Variants in RBM33 observed in about 807,000 individuals in gnomAD.
RBM33 encodes the protein RNA binding motif protein 33.
RBM33 carries 28 observed loss-of-function variants against 132.6 expected under a neutral mutation model. The observed-to-expected ratio is 0.21, with a 90% CI of 0.16 to 0.29. The LOEUF (loss-of-function observed/expected upper bound fraction) is 0.29, where lower values mean the gene tolerates loss of function less well. Ranked by LOEUF, RBM33 falls within the 10% of genes least tolerant of loss-of-function variation. The pLI, the probability that RBM33 is intolerant of heterozygous loss-of-function variation, is 1.00. For missense variants in RBM33, 1,291 were observed against 1,518.5 expected, an observed-to-expected ratio of 0.85 and a Z score of 2.49; for synonymous variants, 634 against 593.0, an observed-to-expected ratio of 1.07 and a Z score of -1.01.
intron 5 of RBM33, among the ~76,000 whole-genome samples, chr7:155,700,132 A>G (rs1799915436): frequency 6.6e-6 from 1 of 152,214 alleles, no homozygotes; most frequent in Non-Finnish European, 1.5e-5. Context: ...ATTTCAGATA[A>G]AAGCTGGTTT....
At chr7:155,749,956 G>C (rs1286470964) in intron 14 of RBM33, among the ~76,000 whole-genome samples, 1 of 152,208 alleles carries the variant, frequency 6.6e-6, no homozygotes, top group South Asian at 2.1e-4. Flanking sequence ...GAAATGGAAA[G>C]AGATCTTTTG....
At chr7:155,734,669 A>G (rs1221842929) in intron 9 of RBM33, among the ~76,000 whole-genome samples, 3 of 152,002 alleles carry the variant, frequency 2.0e-5, no homozygotes, top group Non-Finnish European at 4.4e-5. Context: ...TTTTGTATGT[A>G]TCTGTTTGAA....
At chr7:155,651,899 C>T (rs1798365122) in intron 1 of RBM33, among the ~76,000 whole-genome samples, 1 of 152,160 alleles carries the variant, frequency 6.6e-6, no homozygotes, top group South Asian at 2.1e-4. Context: ...AGAACCTCTC[C>T]TGGGGCCCGT....
At chr7:155,719,151 C>T (rs1238681547) in intron 9 of RBM33, among the ~76,000 whole-genome samples, 1 of 151,770 alleles carries the variant, frequency 6.6e-6, no homozygotes, top group Admixed American at 6.6e-5. Flanking sequence ...GTAGTTTGTT[C>T]ATGGTTTTAC....
chr7:155,690,852 G>A (rs1017518176), intron 5 of RBM33, among the ~76,000 whole-genome samples: 3 of 152,118 alleles, frequency 2.0e-5, no homozygotes, highest in African/African-American at 7.2e-5. Flanking sequence ...TAGTCTGATG[G>A]ACTTCCCTTT....
At chr7:155,773,467 C>T (rs529767720) in intron 16 of RBM33, among the ~76,000 whole-genome samples, 33 of 145,672 alleles carry the variant, frequency 2.3e-4, no homozygotes, top group African/African-American at 7.9e-4. Context: ...ACTTGGGAGG[C>T]TGAGGTAGGA....
intron 14 of RBM33, among the ~76,000 whole-genome samples, chr7:155,748,435 G>T (rs1256988759): frequency 6.6e-6 from 1 of 152,162 alleles, no homozygotes; most frequent in Non-Finnish European, 1.5e-5. Context: ...TGAAATATGT[G>T]TCCACAGGAT....
At chr7:155,701,867 T>C (rs755807482) in intron 6 of RBM33, among the ~76,000 whole-genome samples, 4 of 152,166 alleles carry the variant, frequency 2.6e-5, no homozygotes, top group Non-Finnish European at 5.9e-5. Context: ...TTTGTGTTTT[T>C]AGTAGAGACG....
chr7:155,694,242 AATC>A (rs1447738759), intron 5 of RBM33, among the ~76,000 whole-genome samples: 2 of 152,182 alleles, frequency 1.3e-5, no homozygotes, highest in African/African-American at 4.8e-5. Context: ...CATATAGAGA[AATC>A]ATTATATTTG....
chr7:155,673,961 T>G (rs1463534040), intron 3 of RBM33, among the ~76,000 whole-genome samples: 1 of 126,424 alleles, frequency 7.9e-6, no homozygotes, highest in Admixed American at 7.9e-5. Context: ...TTTTTTTTTT[T>G]TTTTTTTTTT....
At chr7:155,673,599 C>CAT (rs1278426846) in intron 3 of RBM33, among the ~76,000 whole-genome samples, 2 of 82,016 alleles carry the variant, frequency 2.4e-5, no homozygotes, top group East Asian at 5.8e-4. Context: ...TATATACACA[C>CAT]ATATACATAC....
At chr7:155,687,867 T>C (rs1799524539) in intron 5 of RBM33, among the ~76,000 whole-genome samples, 1 of 152,234 alleles carries the variant, frequency 6.6e-6, no homozygotes, top group East Asian at 1.9e-4. Context: ...CATGCTGTTT[T>C]GGTTACTATA....
At chr7:155,656,968 T>TA (rs1798509658) in intron 1 of RBM33, among the ~76,000 whole-genome samples, 1 of 152,064 alleles carries the variant, frequency 6.6e-6, no homozygotes, top group Non-Finnish European at 1.5e-5. Context: ...TGAAGGTTTT[T>TA]TTTTTTTTGT....
At chr7:155,648,939 T>C (rs1798276711) in intron 1 of RBM33, among the ~76,000 whole-genome samples, 1 of 152,220 alleles carries the variant, frequency 6.6e-6, no homozygotes, top group Non-Finnish European at 1.5e-5. Context: ...AAGATTCTCT[T>C]TGTCTTTGGC....
intron 9 of RBM33, among the ~76,000 whole-genome samples, chr7:155,725,359 T>C (rs1800764726): frequency 6.6e-6 from 1 of 152,046 alleles, no homozygotes; most frequent in South Asian, 2.1e-4. Context: ...ATTTTTTGTT[T>C]TAGAGATTGG....
rs115464143 is a variant in RBM33 at position 155,710,967 on chromosome 7, G to C, written c.949-236G>C. 5.5e-3 allele frequency among the ~76,000 whole-genome samples: 831 copies of C among 150,548 alleles called. 10 individuals are homozygous for C. Among genetic ancestry groups the C allele is most frequent in the African/African-American group, 0.02 (802 of 40,796 alleles). On this transcript the variant is annotated intron_variant, in intron 7 of 17. Coordinates refer to ENST00000401878, the MANE Select transcript of RBM33 (RefSeq NM_053043.3). ...GCTTTGGGGCTGTTTTCCCTCTTGC[G>C]TGGGGATTGACTCAATTGTGAGACT...
In RBM33 at chr7:155,776,149, C is replaced by T. The variant is rs1054595133; in HGVS notation, c.*1108C>T. 6.6e-6 allele frequency: 1 copy of T among 152,582 alleles called. No homozygotes were observed. The highest frequency in any genetic ancestry group is 2.4e-5 in the African/African-American group (1 of 41,438). 9.5% of individuals were successfully genotyped at this position (152,582 alleles called of 1,614,324 possible). On this transcript the variant is annotated 3_prime_UTR_variant, in exon 18 of 18. Coordinates refer to ENST00000401878, the MANE Select transcript of RBM33 (RefSeq NM_053043.3). This position sits in a 1 kb window ranked among gnomAD's most constrained non-coding sequence, Gnocchi z 4.0. ...GTTCCTGTAGGTGAGACATATTCTC[C>T]ATAAAGCTACTGTAGTAGAATTCAT...
At chr7:155,723,128 G>C (rs1005688761) in intron 9 of RBM33, among the ~76,000 whole-genome samples, 2 of 152,216 alleles carry the variant, frequency 1.3e-5, no homozygotes, top group African/African-American at 4.8e-5. Context: ...TCAGGTGGCA[G>C]TGAATGATGT....
intron 1 of RBM33, among the ~76,000 whole-genome samples, chr7:155,661,457 G>T (rs945092266): frequency 4.0e-5 from 6 of 150,028 alleles, no homozygotes; most frequent in Middle Eastern, 3.5e-3. Context: ...GCCCAGGCTG[G>T]AGTGCAGTGG....
Sources: allele counts gnomAD v4.1 joint callset (sites outside exome capture counted in the v4.1 genomes callset), GRCh38; gene constraint gnomAD v4.1.1; non-coding constraint Gnocchi (gnomAD v3.1); transcripts MANE v1.5; gene names NCBI Gene and HGNC (gene_info 2026-07-23, HGNC 2026-07-21).